Variants in SH3GLB1 observed in about 807,000 individuals in gnomAD.
SH3GLB1 encodes the protein SH3 domain containing GRB2 like, endophilin B1, also known as endophilin-B1.
A neutral mutation model predicts 42.0 loss-of-function variants in SH3GLB1; 17 were observed. The ratio of observed to expected loss-of-function variants is 0.40; its 90% CI spans 0.28 to 0.61. The LOEUF (loss-of-function observed/expected upper bound fraction) is 0.61. SH3GLB1 is among the 20% of genes least tolerant of loss of function. SH3GLB1 has a pLI of 0.36. For synonymous variants in SH3GLB1, 132 were observed against 146.6 expected, an observed-to-expected ratio of 0.90 and a Z score of 0.72; for missense variants, 355 against 426.3, an observed-to-expected ratio of 0.83 and a Z score of 1.47.
At chr1:86,742,714 TTTTG>T (rs1656116892) in intron 8 of SH3GLB1, among the ~76,000 whole-genome samples, 1 of 152,104 alleles carries the variant, frequency 6.6e-6, no homozygotes, top group Non-Finnish European at 1.5e-5. Flanking sequence ...ATCTCAGCAC[TTTTG>T]GGAGGCCAAG....
At chr1:86,717,539 C>T (rs1654605400) in intron 2 of SH3GLB1, among the ~76,000 whole-genome samples, 1 of 152,046 alleles carries the variant, frequency 6.6e-6, no homozygotes, top group Non-Finnish European at 1.5e-5. Context: ...CCTGCCTCTG[C>T]CTGCTGAGAG....
Position 86,719,440 on chromosome 1 carries a change from GA to G in SH3GLB1, c.215-60del, listed in dbSNP as rs968175572. ...AGATGATAAATGGCTGCTGATGGGG[GA>G]AAAAAACAATCTTCTAATTAGTTTT... On this transcript the variant is annotated intron_variant, in intron 2 of 8. Transcript: ENST00000370558. 1.2e-4 allele frequency: 172 copies of G among 1,449,706 alleles called. 4 individuals are homozygous for G. The Middle Eastern group carries it at 2.3e-3, about 19-fold the overall frequency. 89.8% of individuals were successfully genotyped at this position (1,449,706 alleles called of 1,614,324 possible).
chr1:86,744,859 G>A lies in SH3GLB1; in HGVS notation c.*1624G>A, dbSNP rs1183517831. 1 of 152,120 alleles carries A rather than the reference G, an allele frequency of 6.6e-6. No individual in the cohort carries two copies. Among genetic ancestry groups the A allele is most frequent in the Non-Finnish European group, 1.5e-5 (1 of 68,016 alleles). 9.4% of individuals were successfully genotyped at this position (152,120 alleles called of 1,614,324 possible). ...AGACAAATTCTTCTGCAGTTTTATA[G>A]TTGTACAAGATGTTTTGACTCACTC... On this transcript the variant is annotated 3_prime_UTR_variant, in exon 9 of 9. Transcript: ENST00000370558.
rs1655787134 is a variant in SH3GLB1 at position 86,736,450 on chromosome 1, C to T, written c.761+1271C>T. ...TCATTAGTTATTTTAATAGAATATA[C>T]AGGAGCATTTACATAACTATATATT... On this transcript the variant is annotated intron_variant, in intron 7 of 8. Transcript: ENST00000370558. 2.0e-5 allele frequency among the ~76,000 whole-genome samples: 3 copies of T among 152,260 alleles called. No homozygotes were observed. The South Asian group carries it at 6.2e-4, about 32-fold the overall frequency.
intron 5 of SH3GLB1, 98 bp downstream of exon 5, chr1:86,724,503 C>G: frequency 1.1e-6 from 1 of 945,618 alleles, no homozygotes; most frequent in East Asian, 2.7e-5. Flanking sequence ...ACTTTAGAGT[C>G]TTGTTTTTGT....
chr1:86,729,529 T>G (rs1244241473), intron 5 of SH3GLB1, among the ~76,000 whole-genome samples: 2 of 152,194 alleles, frequency 1.3e-5, no homozygotes, highest in Non-Finnish European at 2.9e-5. Flanking sequence ...ATATAAAGCA[T>G]AGCTTTTCTT....
At chr1:86,719,995 CAAAAAA>C (rs570115346) in intron 3 of SH3GLB1, among the ~76,000 whole-genome samples, 1 of 62,424 alleles carries the variant, frequency 1.6e-5, no homozygotes, top group Non-Finnish European at 3.3e-5. Flanking sequence ...GACTCTGTCT[CAAAAAA>C]AAAAAAAAAA....
intron 5 of SH3GLB1, chr1:86,730,102 G>A (rs1397537659): frequency 1.9e-6 from 3 of 1,595,160 alleles, no homozygotes; most frequent in Admixed American, 1.7e-5. Flanking sequence ...GGGCAGAGGA[G>A]GTGACAAAAG....
At chr1:86,721,678 A>T (rs1654866635) in intron 3 of SH3GLB1, among the ~76,000 whole-genome samples, 1 of 152,212 alleles carries the variant, frequency 6.6e-6, no homozygotes, top group Non-Finnish European at 1.5e-5. Context: ...TTACTTATAG[A>T]TACTTCAGAT....
chr1:86,710,518 G>A (rs1055046296), intron 1 of SH3GLB1, among the ~76,000 whole-genome samples: 2 of 152,140 alleles, frequency 1.3e-5, no homozygotes, highest in Non-Finnish European at 2.9e-5. Flanking sequence ...ACCCGCCTCA[G>A]CCTCCCAAAG....
chr1:86,712,382 A>G (rs916936409), intron 1 of SH3GLB1, among the ~76,000 whole-genome samples: 5 of 152,292 alleles, frequency 3.3e-5, no homozygotes, highest in Middle Eastern at 3.4e-3. Context: ...GAAATCAGCA[A>G]GTATTTACTG....
Position 86,742,372 on chromosome 1 carries a change from A to G in SH3GLB1, c.926A>G (p.Lys309Arg). The G allele has an allele frequency of 6.2e-7, 1 of 1,614,128 alleles. No individual in the cohort carries two copies. The highest frequency in any genetic ancestry group is 8.5e-7 in the Non-Finnish European group (1 of 1,180,018). The change falls in exon 8 of 9, where the codon AAG becomes AGG. Residue 309 changes from lysine to arginine, a missense_variant. Lys to Arg is a conservative substitution (Grantham distance 26, BLOSUM62 2). Coordinates refer to ENST00000370558, the MANE Select transcript of SH3GLB1 (RefSeq NM_016009.5). ...SDLKECSGSR[K>R]ARVLYDYDAA... is the part of the protein sequence containing the mutation. ...CTTAAGGAGTGTAGTGGCAGCAGAAAGGCCAGGGTTCTCTATGATTATGAT... is the reference window on the plus strand; with the variant it reads ...CTTAAGGAGTGTAGTGGCAGCAGAAGGGCCAGGGTTCTCTATGATTATGAT...
intron 5 of SH3GLB1, among the ~76,000 whole-genome samples, chr1:86,734,048 T>C (rs1655655782): frequency 6.6e-6 from 1 of 152,174 alleles, no homozygotes; most frequent in Non-Finnish European, 1.5e-5. Flanking sequence ...ATTTAAAATG[T>C]AGGACAAAGA....
At chr1:86,729,988 G>T in intron 5 of SH3GLB1, 2 of 1,128,960 alleles carry the variant, frequency 1.8e-6, no homozygotes, top group Non-Finnish European at 2.5e-6. Context: ...AAAAGAGTAT[G>T]CCATTTAAAC....
intron 7 of SH3GLB1, among the ~76,000 whole-genome samples, chr1:86,740,051 C>T (rs1415837074): frequency 2.0e-5 from 3 of 151,790 alleles, no homozygotes; most frequent in East Asian, 1.9e-4. Context: ...GAAGCTGAGG[C>T]GAGAGAATTG....
rs184356232 is a variant in SH3GLB1, at chr1:86,740,805, A to T, written c.762-1403A>T. Among the ~76,000 whole-genome samples, 208 of 152,280 alleles carry T rather than the reference A, an allele frequency of 1.4e-3. 1 individual carries two copies. The highest frequency in any genetic ancestry group is 1.1e-3 in the Non-Finnish European group (77 of 68,020). ...CCATTTGGATATTAAAGTCACCAAGAATTAAGTAAGAGATAATGTCAGTGA... is the reference window on the plus strand; with the variant it reads ...CCATTTGGATATTAAAGTCACCAAGTATTAAGTAAGAGATAATGTCAGTGA... On this transcript the variant is annotated intron_variant, in intron 7 of 8. Coordinates refer to ENST00000370558, the MANE Select transcript of SH3GLB1 (RefSeq NM_016009.5).
At chr1:86,716,238 T>C (rs190737423) in intron 2 of SH3GLB1, among the ~76,000 whole-genome samples, 1 of 151,778 alleles carries the variant, frequency 6.6e-6, no homozygotes, top group Admixed American at 6.6e-5. Context: ...ATTTTTTATG[T>C]TTAAGTTTTT....
chr1:86,735,071 C>T lies in SH3GLB1; in HGVS notation c.661-8C>T. The T allele has an allele frequency of 1.9e-6, 3 of 1,608,888 alleles. No homozygotes were observed. Among genetic ancestry groups the T allele is most frequent in the Non-Finnish European group, 1.7e-6 (2 of 1,175,712 alleles). ...CAGCTAAGAACTAACTATAATTTTC[C>T]TTCACAGGCCCATCACCTTCGCTGT... On this transcript the variant is annotated splice_region_variant and splice_polypyrimidine_tract_variant and intron_variant, in intron 6 of 8. Transcript: ENST00000370558.
At chr1:86,730,950 A>G (rs1346145566) in intron 5 of SH3GLB1, among the ~76,000 whole-genome samples, 1 of 152,218 alleles carries the variant, frequency 6.6e-6, no homozygotes, top group African/African-American at 2.4e-5. Context: ...ACTACAGTTA[A>G]GGTCATTATT....
Sources: gnomAD v4.1 joint callset for allele counts (sites outside exome capture counted in the v4.1 genomes callset) on GRCh38, gnomAD v4.1.1 for gene constraint, MANE v1.5 for transcripts, NCBI Gene and HGNC (gene_info 2026-07-23, HGNC 2026-07-21) for gene names.